GALNT14: variants seen among roughly 807,000 people sequenced by gnomAD.
GALNT14 encodes the protein polypeptide N-acetylgalactosaminyltransferase 14.
GALNT14 carries 60 observed loss-of-function variants against 77.5 expected under a neutral mutation model. That is an observed-to-expected ratio of 0.77 (90% CI 0.63 to 0.96). The LOEUF is 0.96. Ranked by LOEUF, GALNT14 falls within the 40% of genes least tolerant of loss-of-function variation. The pLI is 0.00. For missense variants in GALNT14, 710 were observed against 731.0 expected (o/e 0.97, Z 0.33); for synonymous variants, 280 against 281.7 (o/e 0.99, Z 0.06).
chr2:30,957,550 A>T (rs2148322892), intron 4 of GALNT14, among the ~76,000 whole-genome samples: 1 of 152,140 alleles, frequency 6.6e-6, no homozygotes, highest in African/African-American at 2.4e-5. Context: ...CAGAGTCTTG[A>T]TCTCATTACT....
At chr2:30,926,156 A>T (rs897345758) in intron 11 of GALNT14, among the ~76,000 whole-genome samples, 1 of 152,204 alleles carries the variant, frequency 6.6e-6, no homozygotes, top group African/African-American at 2.4e-5. Flanking sequence ...GATGGGAAGG[A>T]TGTCAGGTTT....
intron 8 of GALNT14, 101 bp downstream of exon 8, chr2:30,944,757 T>C: frequency 1.1e-6 from 1 of 933,360 alleles, no homozygotes; most frequent in Non-Finnish European, 1.5e-6. Context: ...GCTCCCTTTG[T>C]CTGCTTGATG....
At chr2:30,890,877 G>A in the GALNT14 span, among the ~76,000 whole-genome samples, 1 of 152,320 alleles carries the variant, frequency 6.6e-6, no homozygotes, top group East Asian at 1.9e-4. Flanking sequence ...TGAGTGCATG[G>A]GTAGTTGGGG....
intron 1 of GALNT14, among the ~76,000 whole-genome samples, chr2:31,015,465 A>G (rs906980997): frequency 1.3e-5 from 2 of 152,150 alleles, no homozygotes; most frequent in African/African-American, 4.8e-5. Flanking sequence ...GCCTCCATCT[A>G]TACTAAAATC....
intron 6 of GALNT14, among the ~76,000 whole-genome samples, chr2:30,946,845 C>G (rs1666725912): frequency 6.6e-6 from 1 of 152,132 alleles, no homozygotes; most frequent in Non-Finnish European, 1.5e-5. Context: ...CAAATTTGTA[C>G]CAGGCCCCGA....
chr2:31,138,333 C>A lies in GALNT14; in HGVS notation c.-247G>T. 1 of 471,920 alleles carries A rather than the reference C, an allele frequency of 2.1e-6. No individual in the cohort carries two copies. Among genetic ancestry groups the A allele is most frequent in the Non-Finnish European group, 3.7e-6 (1 of 268,466 alleles). The allele number at this position is 471,920 out of a possible 1,614,324, so 29.2% of individuals were successfully genotyped here. On this transcript the variant is annotated 5_prime_UTR_variant, in exon 1 of 15. Coordinates refer to ENST00000349752, the MANE Select transcript of GALNT14 (RefSeq NM_024572.4). The stretch of plus-strand genomic sequence containing the variant: ...GGACCGAGGGCAGCCAAGCTGGACG[C>A]CCGCTCCAGCGGGAGAAGCGCGGTG...
chr2:31,058,798 C>T (rs1333567474), intron 1 of GALNT14, among the ~76,000 whole-genome samples: 1 of 152,128 alleles, frequency 6.6e-6, no homozygotes, highest in Non-Finnish European at 1.5e-5. Flanking sequence ...TTGGATGAGA[C>T]AAAGTTCGGA....
chr2:31,133,172 C>T (rs2148653714), intron 1 of GALNT14, among the ~76,000 whole-genome samples: 1 of 152,248 alleles, frequency 6.6e-6, no homozygotes, highest in African/African-American at 2.4e-5. Context: ...AATAAAACTC[C>T]AGTCTTCCAT....
At chr2:31,005,173 A>T (rs1402272873) in intron 1 of GALNT14, among the ~76,000 whole-genome samples, 2 of 152,236 alleles carry the variant, frequency 1.3e-5, no homozygotes, top group Admixed American at 6.5e-5. Context: ...AGTAAACATT[A>T]TGCATTTGTG....
intron 1 of GALNT14, among the ~76,000 whole-genome samples, chr2:31,002,494 T>A (rs1025456834): frequency 6.6e-6 from 1 of 152,076 alleles, no homozygotes; most frequent in South Asian, 2.1e-4. Flanking sequence ...AAAACTGTGT[T>A]CCTTCCATAT....
chr2:31,007,942 C>G (rs1047099615), intron 1 of GALNT14, among the ~76,000 whole-genome samples: 3 of 152,170 alleles, frequency 2.0e-5, no homozygotes, highest in African/African-American at 7.2e-5. Flanking sequence ...ATCCAAAGCT[C>G]TCTGGCCCAC....
At chr2:30,939,404 C>G (rs1379239496) in intron 9 of GALNT14, among the ~76,000 whole-genome samples, 1 of 152,088 alleles carries the variant, frequency 6.6e-6, no homozygotes, top group Non-Finnish European at 1.5e-5. Flanking sequence ...GGGTTGGACT[C>G]ACTCTGGGAA....
intron 1 of GALNT14, among the ~76,000 whole-genome samples, chr2:31,036,852 T>A (rs1672765167): frequency 6.6e-6 from 1 of 152,220 alleles, no homozygotes; most frequent in Non-Finnish European, 1.5e-5. Flanking sequence ...AGGTTTCCAA[T>A]GAGAAGTCAG....
At chr2:31,103,000 A>G (rs1573352961) in intron 1 of GALNT14, among the ~76,000 whole-genome samples, 1 of 152,154 alleles carries the variant, frequency 6.6e-6, no homozygotes, top group East Asian at 1.9e-4. Context: ...TTTATTTTCA[A>G]CCTTCCTGTA....
chr2:31,095,971 C>T (rs764446099), intron 1 of GALNT14, among the ~76,000 whole-genome samples: 3 of 152,230 alleles, frequency 2.0e-5, no homozygotes, highest in Non-Finnish European at 4.4e-5. Flanking sequence ...AGCAAGGGTG[C>T]GTTCCTTCTA....
intron 12 of GALNT14, 117 bp from the exon 13 acceptor site, chr2:30,924,380 T>C (rs1484436632): frequency 9.2e-7 from 1 of 1,089,178 alleles, no homozygotes; most frequent in Non-Finnish European, 1.4e-6. Flanking sequence ...TTAGAAAATA[T>C]CTGCACTGCT....
At chr2:30,905,064 A>T in the GALNT14 span, among the ~76,000 whole-genome samples, 240 of 151,888 alleles carry the variant, frequency 1.6e-3, no homozygotes, top group African/African-American at 5.6e-3. Flanking sequence ...CATCTGTACA[A>T]CATCATCATC....
At chr2:30,985,198 A>G (rs1669222296) in intron 2 of GALNT14, among the ~76,000 whole-genome samples, 1 of 152,230 alleles carries the variant, frequency 6.6e-6, no homozygotes, top group Non-Finnish European at 1.5e-5. Flanking sequence ...GGTCAACGTT[A>G]GCAGGAATTC....
At chr2:31,060,290 C>T (rs977064757) in intron 1 of GALNT14, among the ~76,000 whole-genome samples, 1 of 152,182 alleles carries the variant, frequency 6.6e-6, no homozygotes, top group African/African-American at 2.4e-5. Context: ...GAACAAGTCA[C>T]TGTGGTCTCC....
Sources: gnomAD v4.1 joint callset for allele counts (sites outside exome capture counted in the v4.1 genomes callset) on GRCh38, gnomAD v4.1.1 for gene constraint, MANE v1.5 for transcripts, NCBI Gene and HGNC (gene_info 2026-07-23, HGNC 2026-07-21) for gene names.